Variants in RNF213 observed in about 807,000 individuals in gnomAD.
RNF213 encodes the protein ring finger protein 213.
Under a neutral mutation model 514.4 loss-of-function variants are expected in RNF213, and 341 were observed. The ratio of observed to expected loss-of-function variants is 0.66; its 90% CI spans 0.61 to 0.73. The LOEUF is 0.73. Ranked by LOEUF, RNF213 falls within the 30% of genes least tolerant of loss-of-function variation. The pLI is 0.00. For synonymous variants in RNF213, 2,655 were observed against 2,658.2 expected (o/e 1.00, Z 0.04); for missense variants, 5,767 against 6,615.6 (o/e 0.87, Z 4.45).
At chr17:80,266,842 T>C (rs1226986988) in intron 2 of RNF213, among the ~76,000 whole-genome samples, 1 of 152,184 alleles carries the variant, frequency 6.6e-6, no homozygotes. Flanking sequence ...TTAGACATGA[T>C]TAAGCTTCTT....
intron 1 of RNF213, among the ~76,000 whole-genome samples, chr17:80,262,600 A>G (rs67189003): frequency 0.1 from 15,322 of 152,210 alleles, 1,857 homozygotes; most frequent in African/African-American, 0.29. Context: ...CTGCTGTTTC[A>G]TGGTGTGGAT....
chr17:80,277,338 C>G (rs1401398164), intron 3 of RNF213, among the ~76,000 whole-genome samples: 1 of 152,002 alleles, frequency 6.6e-6, no homozygotes, highest in Non-Finnish European at 1.5e-5. Context: ...GGCTTCTCAC[C>G]TGTAATCCCA....
intron 41 of RNF213, 100 bp from the exon 42 acceptor site, chr17:80,364,333 C>G: frequency 1.9e-6 from 3 of 1,560,616 alleles, no homozygotes; most frequent in Non-Finnish European, 2.6e-6. Flanking sequence ...GGGCCTGGAC[C>G]CCGGGTCCCG....
At chr17:80,319,745 T>A in intron 17 of RNF213, 6 of 1,357,028 alleles carry the variant, frequency 4.4e-6, no homozygotes, top group Non-Finnish European at 4.8e-6. Context: ...ATCAATTTAT[T>A]TAGCTCTTTT....
rs2043527971 is a variant in RNF213 at position 80,264,166 on chromosome 17, A to G, written c.97+388A>G. ...TTGAAAATTTTCAGTTTCATTTCCT[A>G]GAGAGAGCTCACGGTTTTTCTTCCC... On this transcript the variant is annotated intron_variant, in intron 2 of 67. Coordinates refer to ENST00000582970, the MANE Select transcript of RNF213 (RefSeq NM_001256071.3). This position sits in a 1 kb window ranked among gnomAD's most constrained non-coding sequence, Gnocchi z 5.0. 6.6e-6 allele frequency among the ~76,000 whole-genome samples: 1 copy of G among 152,162 alleles called. No individual in the cohort carries two copies. Among genetic ancestry groups the G allele is most frequent in the Non-Finnish European group, 1.5e-5 (1 of 68,036 alleles).
At position 80,327,929 on chromosome 17, in the gene RNF213, G is replaced by T. The variant is rs1299643229; in HGVS notation, c.3307G>T (p.Val1103Phe). ...TGACCTCCTAAGTGGCACGATTTTAGTTGGACAACTGGAGCTGATTATAAA... is the reference window on the plus strand; with the variant it reads ...TGACCTCCTAAGTGGCACGATTTTATTTGGACAACTGGAGCTGATTATAAA... Reference protein sequence around the residue: ...VGDLLSGTILVGQLELIIKHK... With the variant: ...VGDLLSGTILFGQLELIIKHK... The change falls in exon 19 of 68, where the codon GTT becomes TTT. Residue 1103 changes from valine (V) to phenylalanine (F), a missense_variant. Val to Phe is a conservative substitution (Grantham distance 50). This residue lies in a region of RNF213 where 516 missense variants were observed against 566.5 expected (regional missense o/e 0.91). Coordinates refer to ENST00000582970, the MANE Select transcript of RNF213 (RefSeq NM_001256071.3). The T allele has an allele frequency of 6.5e-7, 1 of 1,537,262 alleles. No individual in the cohort carries two copies. The highest frequency in any genetic ancestry group is 2.4e-5 in the East Asian group (1 of 40,920).
chr17:80,381,086 C>A, intron 56 of RNF213, 99 bp downstream of exon 56: 1 of 1,203,072 alleles, frequency 8.3e-7, no homozygotes, highest in Non-Finnish European at 1.2e-6. Context: ...GCCATCTATG[C>A]GTTTTGGAGA....
chr17:80,372,950 A>C, intron 48 of RNF213, 25 bp from the exon 49 acceptor site: 1 of 1,608,492 alleles, frequency 6.2e-7, no homozygotes, highest in South Asian at 1.1e-5. Context: ...CCAGCCACTC[A>C]CCCGCTTTCT....
At chr17:80,273,622 T>TC (rs1403605220) in intron 3 of RNF213, among the ~76,000 whole-genome samples, 1 of 148,166 alleles carries the variant, frequency 6.7e-6, no homozygotes, top group East Asian at 2.0e-4. Context: ...TCTTTTTTTT[T>TC]TTTTTTTTTT....
chr17:80,393,191 G>A (rs1332733558), intron 67 of RNF213, among the ~76,000 whole-genome samples, 154 bp from the exon 68 acceptor site: 1 of 151,882 alleles, frequency 6.6e-6, no homozygotes, highest in Non-Finnish European at 1.5e-5. Context: ...ATGTTGCCCA[G>A]GCTGGTCTTG....
chr17:80,314,314 A>G (rs1195501355), intron 15 of RNF213, among the ~76,000 whole-genome samples: 1 of 47,832 alleles, frequency 2.1e-5, no homozygotes, highest in Admixed American at 2.1e-4. Context: ...GTGATGGTGG[A>G]GGTAATGGAG....
chr17:80,310,546 C>T (rs924538373), intron 14 of RNF213, among the ~76,000 whole-genome samples: 2 of 151,128 alleles, frequency 1.3e-5, no homozygotes, highest in African/African-American at 2.4e-5. Flanking sequence ...AGCCACTGCA[C>T]CCAGCACAAT....
chr17:80,344,630 C>A, intron 28 of RNF213, 48 bp from the exon 29 acceptor site: 1 of 1,608,966 alleles, frequency 6.2e-7, no homozygotes, highest in Non-Finnish European at 8.5e-7. Flanking sequence ...AAAAGCATTT[C>A]TTAGAAAGTC....
At chr17:80,286,580 G>C (rs1329672019) in intron 3 of RNF213, among the ~76,000 whole-genome samples, 2 of 152,102 alleles carry the variant, frequency 1.3e-5, no homozygotes, top group Non-Finnish European at 2.9e-5. Context: ...GGATCCTGTG[G>C]CGCTTCCTCA....
At chr17:80,293,107 G>C (rs1448270577) in intron 8 of RNF213, among the ~76,000 whole-genome samples, 1 of 151,838 alleles carries the variant, frequency 6.6e-6, no homozygotes, top group African/African-American at 2.4e-5. Context: ...ACCCAAGCTG[G>C]AGTGCAGTGG....
At chr17:80,354,997 A>G (rs1204247986) in intron 36 of RNF213, 1 of 356,970 alleles carries the variant, frequency 2.8e-6, no homozygotes, top group Non-Finnish European at 5.5e-6. Flanking sequence ...ACCAGGACCC[A>G]GCAGTATATT....
intron 57 of RNF213, 89 bp from the exon 58 acceptor site, chr17:80,382,890 C>G (rs2080078375): frequency 1.3e-6 from 1 of 798,704 alleles, no homozygotes; most frequent in Non-Finnish European, 2.2e-6. Flanking sequence ...AGTGTTATTT[C>G]TATTAAACAC....
chr17:80,377,862 T>C lies in RNF213; in HGVS notation c.13545+66T>C. On this transcript the variant is annotated intron_variant, in intron 54 of 67. Coordinates refer to ENST00000582970, the MANE Select transcript of RNF213 (RefSeq NM_001256071.3). The surrounding 1 kb of genome is among the most constrained non-coding windows in gnomAD (Gnocchi z 4.1). The stretch of plus-strand genomic sequence containing the variant: ...GCACTCCTGGGTTGGAGGAGGGGGA[T>C]CGTGGGTCAGGAGAGTGAGGCTCTC... 6.4e-7 allele frequency: 1 copy of C among 1,574,192 alleles called. No homozygotes were observed. Among genetic ancestry groups the C allele is most frequent in the South Asian group, 1.1e-5 (1 of 90,198 alleles).
chr17:80,290,372 A>C (rs1326947565), intron 6 of RNF213, among the ~76,000 whole-genome samples, 198 bp from the exon 7 acceptor site: 2 of 146,330 alleles, frequency 1.4e-5, no homozygotes, highest in Admixed American at 6.8e-5. Flanking sequence ...TGCGTGTGTG[A>C]GTGCGTGCAC....
Sources: gnomAD v4.1 joint callset for allele counts (sites outside exome capture counted in the v4.1 genomes callset) on GRCh38, gnomAD v4.1.1 for gene constraint, gnomAD v4.1.1 regional missense constraint, Gnocchi (gnomAD v3.1) non-coding constraint, MANE v1.5 for transcripts, NCBI Gene and HGNC (gene_info 2026-07-23, HGNC 2026-07-21) for gene names.